GPC5: variants seen among roughly 807,000 people sequenced by gnomAD.
The protein encoded by GPC5 is glypican 5, also known as glypican-5.
A neutral mutation model predicts 53.9 loss-of-function variants in GPC5; 47 were observed. The ratio of observed to expected loss-of-function variants is 0.87; its 90% CI spans 0.69 to 1.11. The LOEUF is 1.11. GPC5 is among the 50% of genes most tolerant of loss of function. GPC5 has a pLI of 0.00. For missense variants in GPC5, 748 were observed against 713.1 expected (o/e 1.05, Z -0.56); for synonymous variants, 286 against 263.3 (o/e 1.09, Z -0.84).
intron 7 of GPC5, among the ~76,000 whole-genome samples, chr13:92,807,333 T>C (rs769757171): frequency 1.1e-3 from 163 of 152,080 alleles, no homozygotes; most frequent in Non-Finnish European, 1.8e-3. Flanking sequence ...AAATTACATA[T>C]TATGGTTGAT....
intron 7 of GPC5, among the ~76,000 whole-genome samples, chr13:92,796,707 C>T (rs1876698035): frequency 6.6e-6 from 1 of 151,724 alleles, no homozygotes; most frequent in Non-Finnish European, 1.5e-5. Context: ...CTTTTCTTAC[C>T]CTTTTTATGA....
At chr13:92,685,571 TTTTA>T (rs1269343028) in intron 7 of GPC5, among the ~76,000 whole-genome samples, 1 of 143,626 alleles carries the variant, frequency 7.0e-6, no homozygotes, top group East Asian at 2.0e-4. Flanking sequence ...TTTTTTTTTT[TTTTA>T]TTATACTCTA....
chr13:92,704,776 T>C (rs548580998), intron 7 of GPC5, among the ~76,000 whole-genome samples: 2 of 150,034 alleles, frequency 1.3e-5, no homozygotes, highest in South Asian at 4.2e-4. Flanking sequence ...ATATTTTGCT[T>C]AAGAGTATAT....
chr13:92,596,658 G>C (rs568154420), intron 7 of GPC5, among the ~76,000 whole-genome samples: 1 of 152,164 alleles, frequency 6.6e-6, no homozygotes, highest in African/African-American at 2.4e-5. Context: ...ATTGTTAGTG[G>C]AGATGGGGTT....
At chr13:92,426,644 C>T (rs1426206065) in intron 7 of GPC5, among the ~76,000 whole-genome samples, 1 of 151,902 alleles carries the variant, frequency 6.6e-6, no homozygotes. Flanking sequence ...GTTCTTCTGG[C>T]TTATTTTATG....
chr13:92,003,467 A>G (rs2040575813), intron 6 of GPC5, among the ~76,000 whole-genome samples: 1 of 152,102 alleles, frequency 6.6e-6, no homozygotes. Flanking sequence ...TTTTTCAGTG[A>G]AAGGATGTTT....
intron 2 of GPC5, among the ~76,000 whole-genome samples, chr13:91,649,293 G>T (rs2034637677): frequency 6.6e-6 from 1 of 152,126 alleles, no homozygotes; most frequent in African/African-American, 2.4e-5. Context: ...TGAGGCCATT[G>T]GGTGACATCT....
chr13:92,428,548 G>T (rs1876945178), intron 7 of GPC5, among the ~76,000 whole-genome samples: 1 of 151,892 alleles, frequency 6.6e-6, no homozygotes, highest in African/African-American at 2.4e-5. Context: ...GATCATTGTT[G>T]GCTCAAATAT....
intron 2 of GPC5, among the ~76,000 whole-genome samples, chr13:91,689,565 A>C (rs552525488): frequency 1.3e-5 from 2 of 151,392 alleles, no homozygotes; most frequent in South Asian, 4.2e-4. Context: ...CATTGTACAA[A>C]AATGTTTTCT....
intron 7 of GPC5, among the ~76,000 whole-genome samples, chr13:92,385,361 TAC>T (rs1463364328): frequency 3.7e-5 from 3 of 80,956 alleles, no homozygotes; most frequent in Admixed American, 3.0e-4. Flanking sequence ...TATACATATA[TAC>T]ATATATATAC....
intron 1 of GPC5, among the ~76,000 whole-genome samples, chr13:91,443,574 G>T (rs904171311): frequency 6.6e-6 from 1 of 152,128 alleles, no homozygotes; most frequent in Non-Finnish European, 1.5e-5. Flanking sequence ...TATCTGCTAC[G>T]TAAGATGTTT....
intron 2 of GPC5, among the ~76,000 whole-genome samples, chr13:91,512,673 T>C (rs1190629435): frequency 6.6e-6 from 1 of 152,168 alleles, no homozygotes; most frequent in African/African-American, 2.4e-5. Context: ...TAATCTCTCA[T>C]GAGAGCCTGT....
intron 7 of GPC5, among the ~76,000 whole-genome samples, chr13:92,777,409 C>T (rs554827463): frequency 8.0e-5 from 12 of 150,172 alleles, no homozygotes; most frequent in Non-Finnish European, 1.8e-4. Context: ...CCAAGGCAGG[C>T]AGATCACGAG....
At chr13:92,138,130 G>A (rs2041799553) in intron 6 of GPC5, among the ~76,000 whole-genome samples, 1 of 152,048 alleles carries the variant, frequency 6.6e-6, no homozygotes, top group African/African-American at 2.4e-5. Context: ...TGAATATATG[G>A]GACAGCTATT....
chr13:92,576,579 A>G (rs1177363730), intron 7 of GPC5, among the ~76,000 whole-genome samples: 2 of 152,170 alleles, frequency 1.3e-5, no homozygotes, highest in African/African-American at 2.4e-5. Flanking sequence ...ATTAGACATT[A>G]AAAATGAATA....
chr13:92,343,675 T>G (rs1016440913), intron 7 of GPC5, among the ~76,000 whole-genome samples: 2 of 152,064 alleles, frequency 1.3e-5, no homozygotes, highest in African/African-American at 4.8e-5. Flanking sequence ...TTTCAATAAT[T>G]TTTTCTAACT....
intron 6 of GPC5, among the ~76,000 whole-genome samples, chr13:92,103,192 G>A (rs566260007): frequency 6.6e-6 from 1 of 151,986 alleles, no homozygotes; most frequent in South Asian, 2.1e-4. Context: ...TCAACCTGGG[G>A]GAAAAAGGTT....
rs144922953 is a variant in GPC5, at chr13:92,855,593, T to C, written c.1562-10689T>C. 3.3e-3 allele frequency among the ~76,000 whole-genome samples: 496 copies of C among 151,856 alleles called. 1 individual carries two copies. Among genetic ancestry groups the C allele is most frequent in the African/African-American group, 0.012 (479 of 41,462 alleles). Reference sequence around the variant, plus strand: ...TGGGTTGAGTTTCCTGCATTTTTAATTGTGGTCTTAAATAATTTTTTAGAA... The same window carrying C: ...TGGGTTGAGTTTCCTGCATTTTTAACTGTGGTCTTAAATAATTTTTTAGAA... On this transcript the variant is annotated intron_variant, in intron 7 of 7. Coordinates refer to ENST00000377067, the MANE Select transcript of GPC5 (RefSeq NM_004466.6).
intron 7 of GPC5, among the ~76,000 whole-genome samples, chr13:92,393,575 G>A (rs1875123773): frequency 6.6e-6 from 1 of 152,206 alleles, no homozygotes; most frequent in African/African-American, 2.4e-5. Context: ...CTTGAACCGG[G>A]AAGGCGGAGG....
Sources: allele counts gnomAD v4.1 joint callset (sites outside exome capture counted in the v4.1 genomes callset), GRCh38; gene constraint gnomAD v4.1.1; transcripts MANE v1.5; gene names NCBI Gene and HGNC (gene_info 2026-07-23, HGNC 2026-07-21).